Variants in STYXL1 observed in about 807,000 individuals in gnomAD.
The protein encoded by STYXL1 is serine/threonine/tyrosine interacting like 1, also known as serine/threonine/tyrosine-interacting-like protein 1.
STYXL1 carries 32 observed loss-of-function variants against 36.4 expected under a neutral mutation model. The observed-to-expected ratio is 0.88, with a 90% CI of 0.66 to 1.18. STYXL1 has a LOEUF of 1.18. Among genes scored for constraint, STYXL1 ranks in the 50% most tolerant of loss-of-function variants. The pLI, the probability that STYXL1 is intolerant of heterozygous loss-of-function variation, is 0.00. For missense variants in STYXL1, 354 were observed against 394.1 expected, an observed-to-expected ratio of 0.90 and a Z score of 0.86; for synonymous variants, 133 against 144.1, an observed-to-expected ratio of 0.92 and a Z score of 0.55.
At chr7:76,016,827 G>C (rs1162906020) in intron 4 of STYXL1, among the ~76,000 whole-genome samples, 1 of 152,092 alleles carries the variant, frequency 6.6e-6, no homozygotes, top group Non-Finnish European at 1.5e-5. Context: ...AGGAGTTTGA[G>C]ATTTGTCAAG....
rs1157163207 is a variant in STYXL1 at position 76,028,516 on chromosome 7, C to T, written c.165+126G>A. On this transcript the variant is annotated intron_variant, in intron 3 of 8. Coordinates refer to ENST00000359697, the MANE Select transcript of STYXL1 (RefSeq NM_001317785.2). ...GAGGGTGAGAGGTGTGGAAGACCAC[C>T]ACGGTGGGCACATAGAAAACAGTCC... 12 of 830,510 alleles carry T rather than the reference C, an allele frequency of 1.4e-5. No individual in the cohort carries two copies. The South Asian group carries it at 1.6e-4, about 11-fold the overall frequency. The allele number at this position is 830,510 out of a possible 1,614,324, so 51.4% of individuals were successfully genotyped here. A position where few individuals can be genotyped will look rare whatever the true frequency, so the allele number is the denominator to read the frequency against.
At chr7:76,031,543 C>T (rs1795338685) in intron 1 of STYXL1, among the ~76,000 whole-genome samples, 1 of 150,784 alleles carries the variant, frequency 6.6e-6, no homozygotes, top group African/African-American at 2.4e-5. Flanking sequence ...GGTGAAACCC[C>T]ATCTCTACTA....
chr7:76,029,610 C>T (rs1436744805), intron 2 of STYXL1, among the ~76,000 whole-genome samples: 2 of 152,064 alleles, frequency 1.3e-5, no homozygotes, highest in Non-Finnish European at 2.9e-5. Context: ...ATTATTATTA[C>T]ATTGTAATAT....
At chr7:76,033,900 G>C (rs1181848366) in intron 1 of STYXL1, among the ~76,000 whole-genome samples, 1 of 152,132 alleles carries the variant, frequency 6.6e-6, no homozygotes, top group Non-Finnish European at 1.5e-5. Flanking sequence ...TCAGCTGCCT[G>C]GCCCTAAGGA....
chr7:76,003,585 T>A (rs1791259413), intron 7 of STYXL1, among the ~76,000 whole-genome samples, 173 bp downstream of exon 7: 1 of 152,182 alleles, frequency 6.6e-6, no homozygotes, highest in South Asian at 2.1e-4. Context: ...TCCCCAGAAG[T>A]TGGACGTGTC....
intron 7 of STYXL1, among the ~76,000 whole-genome samples, chr7:76,003,251 C>T (rs937622718): frequency 4.6e-5 from 7 of 152,184 alleles, no homozygotes; most frequent in African/African-American, 1.7e-4. Flanking sequence ...GCCTAGGCAA[C>T]ATAGCAAGAC....
In STYXL1 at chr7:76,021,040, T is replaced by TATCA. The variant is rs1416985132; in HGVS notation, c.307+810_307+811insTGAT. Among the ~76,000 whole-genome samples the TATCA allele has an allele frequency of 2.0e-5, 3 of 152,260 alleles. No individual in the cohort carries two copies. In the East Asian group the frequency reaches 5.8e-4, roughly 29 times the overall value. On this transcript the variant is annotated intron_variant, in intron 4 of 8. Transcript: ENST00000359697. ...AACCTGCTTGCTCACAGCTGTTTGA[T>TATCA]GTGTATTGTCCTAGAATCACATAAG... is the stretch of plus-strand genomic sequence containing the variant.
intron 8 of STYXL1, chr7:76,000,522 G>A (rs1181743534): frequency 4.3e-5 from 20 of 463,456 alleles, no homozygotes; most frequent in Non-Finnish European, 6.9e-5. Flanking sequence ...TGGACCCTGC[G>A]CCCAAGGTAC....
At chr7:76,039,644 A>G (rs910792376) in intron 1 of STYXL1, among the ~76,000 whole-genome samples, 1 of 152,076 alleles carries the variant, frequency 6.6e-6, no homozygotes, top group South Asian at 2.1e-4. Context: ...CATCACTAGT[A>G]TCTACTATCA....
At chr7:76,008,661 G>A (rs570426223) in intron 5 of STYXL1, among the ~76,000 whole-genome samples, 3 of 152,232 alleles carry the variant, frequency 2.0e-5, no homozygotes, top group East Asian at 3.9e-4. Flanking sequence ...CCGGATGGAC[G>A]CTCAGCTTGC....
rs1193497578 is a variant in STYXL1 at position 76,028,525 on chromosome 7, C to A, written c.165+117G>T. On this transcript the variant is annotated intron_variant, in intron 3 of 8. Transcript: ENST00000359697. The stretch of plus-strand genomic sequence containing the variant: ...AGGTGTGGAAGACCACCACGGTGGG[C>A]ACATAGAAAACAGTCCTGCTTCTGC... The A allele has an allele frequency of 5.6e-6, 5 of 892,236 alleles. No individual in the cohort carries two copies. In the African/African-American group the frequency reaches 6.6e-5, roughly 12 times the overall value. 55.3% of individuals were successfully genotyped at this position (892,236 alleles called of 1,614,324 possible). A position where few individuals can be genotyped will look rare whatever the true frequency, so the allele number is the denominator to read the frequency against.
chr7:76,037,719 G>A (rs1796057238), intron 1 of STYXL1, among the ~76,000 whole-genome samples: 1 of 149,778 alleles, frequency 6.7e-6, no homozygotes, highest in South Asian at 2.2e-4. Context: ...GACAGTCCAG[G>A]TGGACACAAT....
intron 1 of STYXL1, among the ~76,000 whole-genome samples, chr7:76,039,050 C>T (rs1263608186): frequency 2.7e-5 from 4 of 147,320 alleles, no homozygotes; most frequent in African/African-American, 8.0e-5. Flanking sequence ...CAGGTTCAAG[C>T]GATTCTCCTA....
intron 8 of STYXL1, among the ~76,000 whole-genome samples, chr7:75,999,551 G>GTATA (rs1554565731): frequency 0.038 from 3,015 of 80,046 alleles, 120 homozygotes; most frequent in African/African-American, 0.12. Flanking sequence ...GTGTGTGTGT[G>GTATA]TATATTTTTT....
At chr7:76,025,831 G>A (rs1189579470) in intron 3 of STYXL1, among the ~76,000 whole-genome samples, 1 of 151,762 alleles carries the variant, frequency 6.6e-6, no homozygotes, top group East Asian at 1.9e-4. Context: ...GGATTTGTAC[G>A]GGGAAATATC....
chr7:76,027,584 G>C (rs1198691153), intron 3 of STYXL1, among the ~76,000 whole-genome samples: 2 of 151,746 alleles, frequency 1.3e-5, no homozygotes, highest in Non-Finnish European at 2.9e-5. Flanking sequence ...CTGCACCCCT[G>C]CCCGGGTGAC....
intron 4 of STYXL1, among the ~76,000 whole-genome samples, chr7:76,016,396 TATATATACGTATATCTATACGTATACAC>T (rs1169841377): frequency 1.3e-5 from 2 of 148,150 alleles, no homozygotes; most frequent in African/African-American, 2.6e-5. Context: ...CGTATGTGTG[TATATATACGTATATCTATACGTATACAC>T]ATATATACAT....
chr7:76,008,504 T>C (rs1437378460), intron 5 of STYXL1, among the ~76,000 whole-genome samples: 2 of 152,050 alleles, frequency 1.3e-5, no homozygotes, highest in African/African-American at 4.8e-5. Context: ...CAAGCCCACA[T>C]CCTTCCCAAG....
At chr7:76,027,974 T>C (rs1794905018) in intron 3 of STYXL1, among the ~76,000 whole-genome samples, 6 of 151,972 alleles carry the variant, frequency 3.9e-5, no homozygotes, top group Admixed American at 3.9e-4. Flanking sequence ...CCTGGTGGCA[T>C]TCCCCATTGT....
Sources: gnomAD v4.1 joint callset for allele counts (sites outside exome capture counted in the v4.1 genomes callset) on GRCh38, gnomAD v4.1.1 for gene constraint, MANE v1.5 for transcripts, NCBI Gene and HGNC (gene_info 2026-07-23, HGNC 2026-07-21) for gene names.